The following MPP7 variants were observed in gnomAD, a reference collection of about 807,000 sequenced individuals.
The protein encoded by MPP7 is MAGUK p55 subfamily member 7.
MPP7 carries 60 observed loss-of-function variants against 76.5 expected under a neutral mutation model. The observed-to-expected ratio is 0.78, with a 90% CI of 0.64 to 0.97. The LOEUF (loss-of-function observed/expected upper bound fraction) is 0.97. Among genes scored for constraint, MPP7 ranks in the 50% least tolerant of loss-of-function variants. MPP7 has a pLI of 0.00. For missense variants in MPP7, 641 were observed against 694.0 expected, an observed-to-expected ratio of 0.92 and a Z score of 0.86; for synonymous variants, 237 against 244.5, an observed-to-expected ratio of 0.97 and a Z score of 0.29.
chr10:28,328,569 CTT>C (rs34544679), intron 2 of MPP7, among the ~76,000 whole-genome samples: 35,375 of 136,368 alleles, frequency 0.26, 4,529 homozygotes, highest in East Asian at 0.49. Flanking sequence ...CTAGCAAGCA[CTT>C]TTTTTTTTTT....
intron 14 of MPP7, among the ~76,000 whole-genome samples, chr10:28,058,998 G>T (rs1851671926): frequency 6.6e-6 from 1 of 152,324 alleles, no homozygotes; most frequent in Non-Finnish European, 1.5e-5. Flanking sequence ...GCGCTGGGTG[G>T]TGGCTAATGG....
At chr10:28,080,995 T>C (rs1211064104) in intron 12 of MPP7, among the ~76,000 whole-genome samples, 1 of 152,204 alleles carries the variant, frequency 6.6e-6, no homozygotes, top group Non-Finnish European at 1.5e-5. Flanking sequence ...TATGCCACAG[T>C]TTTATGAAAA....
At chr10:28,222,516 T>C (rs1368621276) in intron 2 of MPP7, among the ~76,000 whole-genome samples, 1 of 151,294 alleles carries the variant, frequency 6.6e-6, no homozygotes, top group Admixed American at 6.6e-5. Context: ...AATAAAAAAA[T>C]TTAAAAAGCA....
chr10:28,251,445 G>A (rs80012560), intron 1 of MPP7, among the ~76,000 whole-genome samples: 1 of 151,576 alleles, frequency 6.6e-6, no homozygotes, highest in Non-Finnish European at 1.5e-5. Flanking sequence ...CTAAGTGACA[G>A]AACAAGGCCC....
At chr10:28,300,406 A>G (rs1263417596) in intron 1 of MPP7, among the ~76,000 whole-genome samples, 1 of 152,216 alleles carries the variant, frequency 6.6e-6, no homozygotes, top group Non-Finnish European at 1.5e-5. Flanking sequence ...ATGAGAATAA[A>G]TGATTCATTT....
At chr10:28,142,401 T>C (rs1028889439) in intron 5 of MPP7, among the ~76,000 whole-genome samples, 2 of 152,206 alleles carry the variant, frequency 1.3e-5, no homozygotes, top group Non-Finnish European at 2.9e-5. Context: ...ATGTGGCTTA[T>C]ATTCTAGTGG....
chr10:28,301,205 A>T (rs1047203990), intron 1 of MPP7, among the ~76,000 whole-genome samples: 1 of 152,206 alleles, frequency 6.6e-6, no homozygotes, highest in African/African-American at 2.4e-5. Flanking sequence ...AAACAAAGTC[A>T]TAAGTCATGA....
intron 3 of MPP7, among the ~76,000 whole-genome samples, chr10:28,188,784 G>A (rs1381652780): frequency 2.0e-5 from 3 of 151,794 alleles, no homozygotes; most frequent in Non-Finnish European, 4.4e-5. Context: ...CAGAAACCAC[G>A]CAAGCAAAAA....
rs745870655 is a variant in MPP7, at chr10:28,147,525, C to A, written c.273G>T (p.Glu91Asp). 3.1e-6 allele frequency: 5 copies of A among 1,614,112 alleles called. No homozygotes were observed. In the Admixed American group the frequency reaches 8.3e-5, roughly 27 times the overall value. The change falls in exon 5 of 17, where the codon GAG becomes GAT. Residue 91 changes from glutamate to aspartate, a missense_variant. Coordinates refer to ENST00000683449, the MANE Select transcript of MPP7 (RefSeq NM_001318170.2). ...ACAGTAGTTTCAACAGCTCTCTGAT[C>A]TCACTGTTTAATGGCTTGTTCTGAA... Reference protein sequence around the residue: ...EELQNKPLNSEIRELLKLLSK... With the variant: ...EELQNKPLNSDIRELLKLLSK...
At chr10:28,268,046 AAAACAAACAAAC>A (rs548710680) in intron 1 of MPP7, among the ~76,000 whole-genome samples, 1 of 151,936 alleles carries the variant, frequency 6.6e-6, no homozygotes, top group Admixed American at 6.6e-5. Flanking sequence ...TCAAAAAACA[AAAACAAACAAAC>A]AAACAAACAA....
chr10:28,095,886 A>G (rs952038648), intron 11 of MPP7, among the ~76,000 whole-genome samples: 1 of 152,186 alleles, frequency 6.6e-6, no homozygotes, highest in African/African-American at 2.4e-5. Flanking sequence ...GGCTTTTTCC[A>G]GGGAGCTTAC....
At chr10:28,236,473 A>G (rs1392025483) in intron 2 of MPP7, 1 of 152,210 alleles carries the variant, frequency 6.6e-6, no homozygotes, top group Non-Finnish European at 1.5e-5. Context: ...GTGATTAAAA[A>G]CAAAAGGAAA....
chr10:28,329,236 G>T (rs1834448514), intron 2 of MPP7, among the ~76,000 whole-genome samples: 1 of 152,088 alleles, frequency 6.6e-6, no homozygotes, highest in Admixed American at 6.6e-5. Context: ...AATTCTCAAG[G>T]ATTTTATGTT....
intron 2 of MPP7, among the ~76,000 whole-genome samples, chr10:28,228,989 G>A (rs1838789096): frequency 6.6e-6 from 1 of 152,176 alleles, no homozygotes; most frequent in Non-Finnish European, 1.5e-5. Context: ...ATAAGGGATA[G>A]AAGAAATGTC....
At chr10:28,059,059 A>G (rs2252206) in intron 14 of MPP7, among the ~76,000 whole-genome samples, 102,419 of 152,072 alleles carry the variant, frequency 0.67, 36,013 homozygotes, top group East Asian at 0.99. Flanking sequence ...TGCGCCAAAC[A>G]CGAAAAAAGC....
At chr10:28,133,262 A>G (rs1835252164) in intron 5 of MPP7, among the ~76,000 whole-genome samples, 1 of 152,202 alleles carries the variant, frequency 6.6e-6, no homozygotes, top group Non-Finnish European at 1.5e-5. Context: ...CTTAAATCAC[A>G]TAACTACCCC....
intron 12 of MPP7, among the ~76,000 whole-genome samples, chr10:28,074,885 C>T (rs1399012343): frequency 6.6e-6 from 1 of 152,142 alleles, no homozygotes; most frequent in Non-Finnish European, 1.5e-5. Context: ...ACACACTGTC[C>T]TTTTATCACA....
chr10:28,210,922 C>T (rs889497692), intron 2 of MPP7, among the ~76,000 whole-genome samples: 6 of 151,908 alleles, frequency 3.9e-5, no homozygotes, highest in African/African-American at 1.5e-4. Flanking sequence ...CTGTAGCGGG[C>T]TTCCCTCTAT....
intron 3 of MPP7, among the ~76,000 whole-genome samples, chr10:28,176,380 G>T (rs1210327419): frequency 4.1e-5 from 6 of 145,518 alleles, no homozygotes; most frequent in Admixed American, 4.1e-4. Context: ...CAAAACACAG[G>T]AGTCAACTTG....
Sources: allele counts gnomAD v4.1 joint callset (sites outside exome capture counted in the v4.1 genomes callset), GRCh38; gene constraint gnomAD v4.1.1; transcripts MANE v1.5; gene names NCBI Gene and HGNC (gene_info 2026-07-23, HGNC 2026-07-21).